The following SNX18 variants were observed in gnomAD, a reference collection of about 807,000 sequenced individuals.
SNX18 encodes the protein sorting nexin-18.
In SNX18, 35 loss-of-function variants were observed where a neutral mutation model predicts 48.7. The observed-to-expected ratio is 0.72, with a 90% CI of 0.55 to 0.95. SNX18 has a LOEUF of 0.95. Ranked by LOEUF, SNX18 falls within the 40% of genes least tolerant of loss-of-function variation. The pLI, the probability that SNX18 is intolerant of heterozygous loss-of-function variation, is 0.00. For missense variants in SNX18, 824 were observed against 871.0 expected (o/e 0.95, Z 0.68); for synonymous variants, 492 against 384.7 (o/e 1.28, Z -3.26).
the SNX18 span, among the ~76,000 whole-genome samples, chr5:54,608,259 C>T: frequency 4.5e-4 from 68 of 152,270 alleles, no homozygotes; most frequent in African/African-American, 1.5e-3. Flanking sequence ...CTTTCCCTAA[C>T]GGCTAATGGT....
At chr5:54,599,505 A>G in the SNX18 span, among the ~76,000 whole-genome samples, 4 of 152,198 alleles carry the variant, frequency 2.6e-5, no homozygotes, top group African/African-American at 9.7e-5. Context: ...TGGAACCAAA[A>G]AAGAGCCCAT....
At chr5:54,559,754 A>T in the SNX18 span, among the ~76,000 whole-genome samples, 1 of 152,226 alleles carries the variant, frequency 6.6e-6, no homozygotes, top group East Asian at 1.9e-4. Flanking sequence ...CAGCAAAAGA[A>T]TCAACAGAGT....
chr5:54,546,548 T>G lies in SNX18; in HGVS notation c.*3116T>G, dbSNP rs1275652290. 3.3e-5 allele frequency: 5 copies of G among 152,238 alleles called. No individual in the cohort carries two copies. Among genetic ancestry groups the G allele is most frequent in the Non-Finnish European group, 7.3e-5 (5 of 68,034 alleles). 9.4% of individuals were successfully genotyped at this position (152,238 alleles called of 1,614,324 possible). On this transcript the variant is annotated 3_prime_UTR_variant, in exon 2 of 2. Transcript: ENST00000381410. ...TATGATTAGTGCAGATCAGCCATGTTTATCTTTTTAAAAAATAAACAGGTT... is the reference window on the plus strand; with the variant it reads ...TATGATTAGTGCAGATCAGCCATGTGTATCTTTTTAAAAAATAAACAGGTT...
chr5:54,631,796 A>C, the SNX18 span, among the ~76,000 whole-genome samples: 1 of 152,210 alleles, frequency 6.6e-6, no homozygotes, highest in African/African-American at 2.4e-5. Flanking sequence ...AGTAGATGTG[A>C]GATCAGAAGA....
At chr5:54,572,138 T>C in the SNX18 span, among the ~76,000 whole-genome samples, 2 of 152,190 alleles carry the variant, frequency 1.3e-5, no homozygotes, top group Non-Finnish European at 1.5e-5. Flanking sequence ...CACATGACTG[T>C]TCTGGCCATT....
At chr5:54,600,339 C>T in the SNX18 span, among the ~76,000 whole-genome samples, 1 of 152,022 alleles carries the variant, frequency 6.6e-6, no homozygotes, top group Admixed American at 6.6e-5. Flanking sequence ...CAGATGCTGG[C>T]AAGGTTGCAG....
chr5:54,560,512 T>G, the SNX18 span, among the ~76,000 whole-genome samples: 1 of 151,928 alleles, frequency 6.6e-6, no homozygotes, highest in African/African-American at 2.4e-5. Context: ...TCAGGAAAAA[T>G]AACTAATGGG....
chr5:54,532,849 A>G (rs1369042950), intron 1 of SNX18, among the ~76,000 whole-genome samples: 1 of 152,246 alleles, frequency 6.6e-6, no homozygotes, highest in African/African-American at 2.4e-5. Context: ...GGAATGAGGT[A>G]AACTGTATGA....
downstream of SNX18, among the ~76,000 whole-genome samples, chr5:54,549,480 C>A (rs1302556664): frequency 6.6e-6 from 1 of 152,094 alleles, no homozygotes; most frequent in Non-Finnish European, 1.5e-5. Context: ...ACCTACTTCT[C>A]CACTGCTTCT....
downstream of SNX18, among the ~76,000 whole-genome samples, chr5:54,549,676 A>G (rs569863388): frequency 1.3e-5 from 2 of 152,342 alleles, no homozygotes; most frequent in East Asian, 1.9e-4. Context: ...TATTCACCAA[A>G]TTAATAGTGG....
chr5:54,647,568 T>A, the SNX18 span, among the ~76,000 whole-genome samples: 3 of 151,990 alleles, frequency 2.0e-5, no homozygotes, highest in East Asian at 3.9e-4. Flanking sequence ...GAATGGGGCA[T>A]GAGAGGAAGG....
the SNX18 span, among the ~76,000 whole-genome samples, chr5:54,575,470 C>T: frequency 1.4e-5 from 2 of 146,524 alleles, no homozygotes; most frequent in East Asian, 4.1e-4. Context: ...CCTCCTGGTT[C>T]AAGCGATTCT....
chr5:54,579,098 G>T, the SNX18 span, among the ~76,000 whole-genome samples: 1 of 152,104 alleles, frequency 6.6e-6, no homozygotes, highest in Admixed American at 6.6e-5. Flanking sequence ...CCAACACTTT[G>T]GGAGGCTGAG....
chr5:54,611,130 G>A, the SNX18 span, among the ~76,000 whole-genome samples: 1 of 152,174 alleles, frequency 6.6e-6, no homozygotes, highest in East Asian at 1.9e-4. Context: ...TCCAGGTGCT[G>A]AGCTTGACCT....
the SNX18 span, among the ~76,000 whole-genome samples, chr5:54,586,483 T>C: frequency 6.6e-6 from 1 of 152,096 alleles, no homozygotes; most frequent in Non-Finnish European, 1.5e-5. Flanking sequence ...TTCTAGAGGC[T>C]GGAAAGTCCA....
At position 54,518,361 on chromosome 5, in the gene SNX18, C is replaced by T; in HGVS notation, c.409C>T (p.Pro137Ser). 1.3e-6 allele frequency: 2 copies of T among 1,550,442 alleles called. No individual in the cohort carries two copies. Among genetic ancestry groups the T allele is most frequent in the South Asian group, 1.2e-5 (1 of 84,076 alleles). Residue 137 changes from proline (P) to serine (S), a missense_variant, in exon 1 of 2, where the codon CCT becomes TCT. Around this residue, in one of 3 missense-constraint regions of SNX18, gnomAD observed 377 missense variants for 350.6 expected, o/e 1.08. Coordinates refer to ENST00000381410, the MANE Select transcript of SNX18 (RefSeq NM_001102575.2). ...CGGCGGGGGCGCCCTGCAGCCGTCG[C>T]CTCAGCAGCTCTACGGCGGCTACCA... ...PYGGGALQPS[P>S]QQLYGGYQAS...
chr5:54,563,068 A>G, the SNX18 span, among the ~76,000 whole-genome samples: 1 of 152,254 alleles, frequency 6.6e-6, no homozygotes, highest in African/African-American at 2.4e-5. Context: ...GGACAGTTAC[A>G]CAATCTGTGT....
At chr5:54,575,368 CTTTT>C in the SNX18 span, among the ~76,000 whole-genome samples, 81 of 111,718 alleles carry the variant, frequency 7.3e-4, no homozygotes, top group African/African-American at 2.5e-3. Flanking sequence ...CTCCCCACTG[CTTTT>C]TTTTTTTTTT....
At chr5:54,616,352 A>G in the SNX18 span, among the ~76,000 whole-genome samples, 1 of 152,160 alleles carries the variant, frequency 6.6e-6, no homozygotes, top group African/African-American at 2.4e-5. Context: ...CCTATTTTCC[A>G]GGTGGTTCTT....
Sources: allele counts gnomAD v4.1 joint callset (sites outside exome capture counted in the v4.1 genomes callset), GRCh38; gene constraint gnomAD v4.1.1; regional missense constraint gnomAD v4.1.1; transcripts MANE v1.5; gene names NCBI Gene and HGNC (gene_info 2026-07-23, HGNC 2026-07-21).